Variants in RRN3 observed in about 807,000 individuals in gnomAD.
The protein encoded by RRN3 is RNA polymerase I-specific transcription initiation factor RRN3.
A neutral mutation model predicts 82.3 loss-of-function variants in RRN3; 38 were observed. The ratio of observed to expected loss-of-function variants is 0.46; its 90% CI spans 0.36 to 0.61. RRN3 has a LOEUF of 0.61. RRN3 is among the 20% of genes least tolerant of loss of function. The probability of loss-of-function intolerance (pLI) is 0.00; values close to 1 mark genes in which losing one functional copy is unlikely to be tolerated. For synonymous variants in RRN3, 284 were observed against 284.3 expected (o/e 1.00, Z 0.01); for missense variants, 726 against 793.1 (o/e 0.92, Z 1.02).
chr16:15,063,447 G>A (rs984154282), intron 16 of RRN3, among the ~76,000 whole-genome samples, 164 bp from the exon 17 acceptor site: 4 of 152,036 alleles, frequency 2.6e-5, no homozygotes, highest in Admixed American at 6.6e-5. Context: ...AGTGGCTCAC[G>A]CCTGTAATCC....
At chr16:15,084,197 AATC>A (rs1439020868) in intron 7 of RRN3, among the ~76,000 whole-genome samples, 1 of 152,218 alleles carries the variant, frequency 6.6e-6, no homozygotes, top group East Asian at 1.9e-4. Flanking sequence ...AAGAAGAAAA[AATC>A]ATCAAGTTGG....
rs1350518540 is a variant in RRN3 at position 15,091,331 on chromosome 16, A to G, written c.236T>C (p.Leu79Ser). The G allele has an allele frequency of 6.3e-7, 1 of 1,593,572 alleles. No homozygotes were observed. The highest frequency in any genetic ancestry group is 1.3e-5 in the African/African-American group (1 of 74,514). The change falls in exon 3 of 18, where the codon TTA (leucine) becomes TCA (serine). Residue 79 changes from leucine (L) to serine (S), a missense_variant. Leu to Ser is a moderately radical substitution (Grantham distance 145, BLOSUM62 -2). This residue lies in a region of RRN3 where 344 missense variants were observed against 394.5 expected (regional missense o/e 0.87). Transcript: ENST00000198767. ...NDFELLKNQLLDPDIKDDQII... is the reference protein window; with the variant it reads ...NDFELLKNQLSDPDIKDDQII... ...ATTAATTACCTTTATGTCTGGATCT[A>G]ACAGCTGGTTCTTCAACAACTCAAA...
chr16:15,093,485 G>A (rs1224652565), intron 1 of RRN3, among the ~76,000 whole-genome samples: 1 of 152,174 alleles, frequency 6.6e-6, no homozygotes, highest in Non-Finnish European at 1.5e-5. Flanking sequence ...AAGCTCTGTA[G>A]AAAGCAGGGA....
intron 16 of RRN3, 57 bp from the exon 17 acceptor site, chr16:15,063,340 T>C (rs2044798322): frequency 1.5e-6 from 2 of 1,313,372 alleles, no homozygotes; most frequent in African/African-American, 1.4e-5. Flanking sequence ...GAAGTCAAAA[T>C]TGGTTTGGAT....
chr16:15,070,443 T>C (rs1015742468), intron 13 of RRN3, among the ~76,000 whole-genome samples, 189 bp from the exon 14 acceptor site: 76 of 151,516 alleles, frequency 5.0e-4, no homozygotes, highest in Admixed American at 9.2e-4. Flanking sequence ...AAGACAACCT[T>C]CCAATTACAA....
intron 9 of RRN3, among the ~76,000 whole-genome samples, chr16:15,079,746 T>C (rs1472914934): frequency 6.6e-6 from 1 of 152,144 alleles, no homozygotes; most frequent in Admixed American, 6.5e-5. Flanking sequence ...GCACCCACCA[T>C]CATGCCTGGC....
At chr16:15,094,285 C>G (rs1454622501), upstream of RRN3, 7 of 1,403,898 alleles carry the variant, frequency 5.0e-6, no homozygotes, top group Non-Finnish European at 6.9e-6. Flanking sequence ...CCAGCTCCTT[C>G]CAGCCACAGC....
chr16:15,073,574 C>T (rs1204975827), intron 11 of RRN3, among the ~76,000 whole-genome samples: 1 of 152,208 alleles, frequency 6.6e-6, no homozygotes, highest in Non-Finnish European at 1.5e-5. Flanking sequence ...AGGAAGCAGG[C>T]CCTCACCTCA....
intron 9 of RRN3, among the ~76,000 whole-genome samples, chr16:15,079,146 C>G (rs1391241068): frequency 7.0e-6 from 1 of 142,288 alleles, no homozygotes; most frequent in Non-Finnish European, 1.5e-5. Flanking sequence ...AATGGCAACA[C>G]CAAGATTCAA....
rs529720541 is a variant in RRN3, at chr16:15,076,589, C to G, written c.827G>C (p.Gly276Ala). 1 of 1,613,012 alleles carries G rather than the reference C, an allele frequency of 6.2e-7. No individual in the cohort carries two copies. The highest frequency in any genetic ancestry group is 1.7e-5 in the Admixed American group (1 of 60,008). Reference sequence around the variant, plus strand: ...AAACAATCCTTCCGTGGAATCTGTCCCACCACAAGTTTGAGTTGCTGTTTC... The same window carrying G: ...AAACAATCCTTCCGTGGAATCTGTCGCACCACAAGTTTGAGTTGCTGTTTC... ...AEETATQTCG[G>A]TDSTEGLFNM... The change falls in exon 10 of 18, where the codon GGG becomes GCG. Residue 276 changes from glycine to alanine, a missense_variant. Gly to Ala is a moderately conservative substitution (Grantham distance 60). Coordinates refer to ENST00000198767, the MANE Select transcript of RRN3 (RefSeq NM_018427.5).
intron 5 of RRN3, among the ~76,000 whole-genome samples, 155 bp downstream of exon 5, chr16:15,085,974 C>T (rs553737086): frequency 1.5e-4 from 23 of 152,272 alleles, no homozygotes; most frequent in Middle Eastern, 6.8e-3. Flanking sequence ...CTAGACACCT[C>T]CATAGGGGTC....
At chr16:15,094,119 G>A (rs772845760) in intron 1 of RRN3, 26 bp downstream of exon 1, 5 of 1,569,250 alleles carry the variant, frequency 3.2e-6, no homozygotes, top group Non-Finnish European at 3.5e-6. Flanking sequence ...TCCCAGATAC[G>A]CAGAAGGAAG....
At chr16:15,080,720 C>A (rs2045661724) in intron 8 of RRN3, among the ~76,000 whole-genome samples, 1 of 152,160 alleles carries the variant, frequency 6.6e-6, no homozygotes, top group Admixed American at 6.5e-5. Flanking sequence ...CTGCGCCCAG[C>A]CAGCAATTTT....
rs1386354174 is a variant in RRN3 at position 15,074,857 on chromosome 16, T to C, written c.863A>G (p.Glu288Gly). 6.2e-7 allele frequency: 1 copy of C among 1,606,990 alleles called. No homozygotes were observed. The highest frequency in any genetic ancestry group is 8.5e-7 in the Non-Finnish European group (1 of 1,177,052). The stretch of plus-strand genomic sequence containing the variant: ...TGTTTCATGTTCAGTTTCTTCATCT[T>C]CATCCTTTGAAGACAAAAAGTAAAT... ...DSTEGLFNMD[E>G]DEETEHETKA... Residue 288 changes from glutamate to glycine, a missense_variant, in exon 11 of 18, where the codon GAA (glutamate) becomes GGA (glycine). Glu to Gly is a moderately conservative substitution (Grantham distance 98). Around this residue, in one of 4 missense-constraint regions of RRN3, gnomAD observed 344 missense variants for 394.5 expected, o/e 0.87. Coordinates refer to ENST00000198767, the MANE Select transcript of RRN3 (RefSeq NM_018427.5).
chr16:15,081,460 T>A (rs1177025066), intron 8 of RRN3, among the ~76,000 whole-genome samples: 1 of 152,226 alleles, frequency 6.6e-6, no homozygotes, highest in African/African-American at 2.4e-5. Flanking sequence ...GCTAATGATG[T>A]TGAGCTTCTT....
chr16:15,063,431 G>A, intron 16 of RRN3, 148 bp from the exon 17 acceptor site: 1 of 695,046 alleles, frequency 1.4e-6, no homozygotes, highest in Non-Finnish European at 2.6e-6. Flanking sequence ...AAACCTGGCT[G>A]GGTGCAGTGG....
rs770709003 is a variant in RRN3, at chr16:15,060,054, G to A, written c.*1690C>T. 1.6e-4 allele frequency: 34 copies of A among 217,056 alleles called. No individual in the cohort carries two copies. The highest frequency in any genetic ancestry group is 2.8e-4 in the Non-Finnish European group (30 of 105,716). 13.4% of individuals were successfully genotyped at this position (217,056 alleles called of 1,614,324 possible). A position where few individuals can be genotyped will look rare whatever the true frequency, so the allele number is the denominator to read the frequency against. On this transcript the variant is annotated 3_prime_UTR_variant, in exon 18 of 18. Transcript: ENST00000198767. ...AACATGTATTGAGGTACCTTTTATT[G>A]GTATAAGAACGTAAGTTCCAGATTA...
intron 15 of RRN3, among the ~76,000 whole-genome samples, chr16:15,065,988 T>C (rs1294784572): frequency 2.0e-5 from 3 of 152,370 alleles, no homozygotes; most frequent in Admixed American, 6.5e-5. Flanking sequence ...TTTTTAATTT[T>C]TCCAGTAGTT....
At chr16:15,089,521 C>T (rs151029959) in intron 3 of RRN3, among the ~76,000 whole-genome samples, 200 of 152,252 alleles carry the variant, frequency 1.3e-3, no homozygotes, top group Middle Eastern at 6.8e-3. Flanking sequence ...GGATCACTGG[C>T]CGGGCGTGGT....
Sources: gnomAD v4.1 joint callset for allele counts (sites outside exome capture counted in the v4.1 genomes callset) on GRCh38, gnomAD v4.1.1 for gene constraint, gnomAD v4.1.1 regional missense constraint, MANE v1.5 for transcripts, NCBI Gene and HGNC (gene_info 2026-07-23, HGNC 2026-07-21) for gene names.